The following PCDHGB3 variants were observed in gnomAD, a reference collection of about 807,000 sequenced individuals.
PCDHGB3 encodes protocadherin gamma subfamily B, 3, also known as protocadherin gamma-B3.
PCDHGB3 carries 40 observed loss-of-function variants against 59.2 expected under a neutral mutation model. The ratio of observed to expected loss-of-function variants is 0.68; its 90% CI spans 0.52 to 0.88. PCDHGB3 has a LOEUF of 0.88. PCDHGB3 is among the 40% of genes least tolerant of loss of function. The pLI is 0.00. For synonymous variants in PCDHGB3, 581 were observed against 503.6 expected (o/e 1.15, Z -2.06); for missense variants, 1,309 against 1,187.9 (o/e 1.10, Z -1.50).
intron 1 of PCDHGB3, chr5:141,412,993 G>T (rs1401025160): frequency 1.2e-5 from 7 of 574,186 alleles, no homozygotes; most frequent in Non-Finnish European, 1.8e-5. Context: ...GCTCAATCCG[G>T]ATTCTCAGGG....
At position 141,430,860 on chromosome 5, in the gene PCDHGB3, C is replaced by G. The variant is rs773955533; in HGVS notation, c.2415+58051C>G. ...ACCGGATGCACCCAGATACGCTATTCAGTTCCGGAAGAGCTGGAGAAAGGC... is the reference window on the plus strand; with the variant it reads ...ACCGGATGCACCCAGATACGCTATTGAGTTCCGGAAGAGCTGGAGAAAGGC... On this transcript the variant is annotated intron_variant, in intron 1 of 3. Transcript: ENST00000576222. 4 of 1,592,382 alleles carry G rather than the reference C, an allele frequency of 2.5e-6. No individual in the cohort carries two copies. In the South Asian group the frequency reaches 4.6e-5, roughly 18 times the overall value.
rs186638311 is a variant in PCDHGB3, at chr5:141,492,901, T to C, written c.2416-1906T>C. 3.7e-3 allele frequency among the ~76,000 whole-genome samples: 568 copies of C among 152,326 alleles called. 5 individuals carry two copies. The highest frequency in any genetic ancestry group is 0.011 in the Admixed American group (163 of 15,308). On this transcript the variant is annotated intron_variant, in intron 1 of 3. Coordinates refer to ENST00000576222, the MANE Select transcript of PCDHGB3 (RefSeq NM_018924.5). ...GAGATACAGGCTTTTGGCGCCGTCG[T>C]GATCACAATGTGCCCAGCGATCTAG...
intron 1 of PCDHGB3, among the ~76,000 whole-genome samples, chr5:141,463,073 C>G (rs911706393): frequency 6.6e-6 from 1 of 152,110 alleles, no homozygotes; most frequent in African/African-American, 2.4e-5. Flanking sequence ...AAATGAAATT[C>G]AAACATTTTC....
chr5:141,415,747 T>TTTG, intron 1 of PCDHGB3: 1 of 797,602 alleles, frequency 1.3e-6, no homozygotes, highest in East Asian at 4.8e-5. Flanking sequence ...AAGGTTTTTT[T>TTTG]TTTTTTTTTT....
chr5:141,404,278 G>T (rs780738049), intron 1 of PCDHGB3: 7 of 1,613,962 alleles, frequency 4.3e-6, no homozygotes, highest in Admixed American at 3.3e-5. Flanking sequence ...CCCTGCAAGT[G>T]ACTGACATCA....
chr5:141,393,937 A>T, intron 1 of PCDHGB3: 1 of 1,613,906 alleles, frequency 6.2e-7, no homozygotes, highest in Non-Finnish European at 8.5e-7. Context: ...CATGACCAAG[A>T]CTCTGGAAAG....
chr5:141,393,464 C>T (rs1264655164), intron 1 of PCDHGB3: 10 of 1,613,912 alleles, frequency 6.2e-6, no homozygotes, highest in African/African-American at 2.7e-5. Context: ...CCTCGGATGG[C>T]GGCAAGCCGC....
intron 2 of PCDHGB3, among the ~76,000 whole-genome samples, chr5:141,502,107 C>T (rs1292131951): frequency 6.6e-6 from 1 of 152,192 alleles, no homozygotes; most frequent in East Asian, 1.9e-4. Context: ...TGACCCTGCA[C>T]CCTCAGCCAG....
intron 1 of PCDHGB3, among the ~76,000 whole-genome samples, chr5:141,406,174 G>T (rs990967391): frequency 6.6e-6 from 1 of 151,264 alleles, no homozygotes; most frequent in African/African-American, 2.4e-5. Context: ...CTGGGCTTAT[G>T]CAATCCTCCC....
At position 141,432,459 on chromosome 5, in the gene PCDHGB3, T is replaced by A. The variant is rs1230209932; in HGVS notation, c.2415+59650T>A. The A allele has an allele frequency of 1.2e-6, 2 of 1,613,984 alleles. No homozygotes were observed. Among genetic ancestry groups the A allele is most frequent in the South Asian group, 1.1e-5 (1 of 91,082 alleles). ...GCGCCCGAGATCCTGTACCCCGCCCTCCCCACGGACGGTTCCACTGGCGTG... is the reference window on the plus strand; with the variant it reads ...GCGCCCGAGATCCTGTACCCCGCCCACCCCACGGACGGTTCCACTGGCGTG... On this transcript the variant is annotated intron_variant, in intron 1 of 3. Transcript: ENST00000576222. The surrounding 1 kb of genome is among the most constrained non-coding windows in gnomAD (Gnocchi z 6.0).
At chr5:141,386,438 G>A (rs79313044) in intron 1 of PCDHGB3, among the ~76,000 whole-genome samples, 2,560 of 152,240 alleles carry the variant, frequency 0.017, 31 homozygotes, top group South Asian at 0.037. Context: ...CTGCATGGGA[G>A]GCTGAGGCAA....
At position 141,402,030 on chromosome 5, in the gene PCDHGB3, A is replaced by C. The variant is rs188760101; in HGVS notation, c.2415+29221A>C. On this transcript the variant is annotated intron_variant, in intron 1 of 3. Transcript: ENST00000576222. Reference sequence around the variant, plus strand: ...ATATGCATTTGAATCATTGAAACACAGTCTGTGCATGCATTACATATTCAC... The same window carrying C: ...ATATGCATTTGAATCATTGAAACACCGTCTGTGCATGCATTACATATTCAC... Among the ~76,000 whole-genome samples the C allele has an allele frequency of 1.4e-3, 213 of 152,348 alleles. 1 individual carries two copies. The highest frequency in any genetic ancestry group is 4.8e-3 in the African/African-American group (199 of 41,586).
chr5:141,404,710 C>A (rs772390810), intron 1 of PCDHGB3: 1 of 1,614,014 alleles, frequency 6.2e-7, no homozygotes, highest in African/African-American at 1.3e-5. Flanking sequence ...AGCCTGGCTA[C>A]CTGGTGACCA....
intron 1 of PCDHGB3, chr5:141,389,274 C>T (rs183257097): frequency 1.2e-6 from 2 of 1,614,032 alleles, no homozygotes; most frequent in Non-Finnish European, 8.5e-7. Flanking sequence ...CGAGAACAAC[C>T]CGCCTGGAGC....
In PCDHGB3 at chr5:141,487,102, G is replaced by C; in HGVS notation, c.2416-7705G>C. The C allele has an allele frequency of 6.2e-7, 1 of 1,613,900 alleles. No homozygotes were observed. Among genetic ancestry groups the C allele is most frequent in the Non-Finnish European group, 8.5e-7 (1 of 1,179,818 alleles). ...CAGCTGACCTCCCACCACAGAAGCTGGTCATTGTGGTAAAGGATAGTGGTA... is the reference window on the plus strand; with the variant it reads ...CAGCTGACCTCCCACCACAGAAGCTCGTCATTGTGGTAAAGGATAGTGGTA... On this transcript the variant is annotated intron_variant, in intron 1 of 3. Transcript: ENST00000576222. This position sits in a 1 kb window ranked among gnomAD's most constrained non-coding sequence, Gnocchi z 5.0.
At chr5:141,460,465 AAAGG>A (rs2098989932) in intron 1 of PCDHGB3, among the ~76,000 whole-genome samples, 1 of 152,088 alleles carries the variant, frequency 6.6e-6, no homozygotes, top group Non-Finnish European at 1.5e-5. Context: ...ATTTTTTTCC[AAAGG>A]AATATCCAAT....
intron 1 of PCDHGB3, chr5:141,402,791 C>A: frequency 1.0e-6 from 1 of 998,930 alleles, no homozygotes; most frequent in Non-Finnish European, 1.4e-6. Context: ...TCTGCGGCTA[C>A]ACAAAACCCG....
intron 1 of PCDHGB3, among the ~76,000 whole-genome samples, chr5:141,464,440 T>C (rs566597587): frequency 6.6e-6 from 1 of 151,608 alleles, no homozygotes; most frequent in South Asian, 2.1e-4. Context: ...TATATGTTTG[T>C]TGTTGTTGTT....
intron 1 of PCDHGB3, among the ~76,000 whole-genome samples, chr5:141,450,777 G>A (rs907160074): frequency 1.3e-5 from 2 of 150,004 alleles, no homozygotes; most frequent in East Asian, 2.0e-4. Context: ...ATGAGCCACC[G>A]TGCCCGGACC....
Sources: gnomAD v4.1 joint callset for allele counts (sites outside exome capture counted in the v4.1 genomes callset) on GRCh38, gnomAD v4.1.1 for gene constraint, Gnocchi (gnomAD v3.1) non-coding constraint, MANE v1.5 for transcripts, NCBI Gene and HGNC (gene_info 2026-07-23, HGNC 2026-07-21) for gene names.